JPT1: variants seen among roughly 807,000 people sequenced by gnomAD.
JPT1 encodes the protein androgen-regulated protein 2.
JPT1 carries 5 observed loss-of-function variants against 17.0 expected under a neutral mutation model. The observed-to-expected ratio is 0.29, with a 90% CI of 0.15 to 0.62. The LOEUF (loss-of-function observed/expected upper bound fraction) is 0.62. Among genes scored for constraint, JPT1 ranks in the 20% least tolerant of loss-of-function variants. The probability of loss-of-function intolerance (pLI) is 0.85; values close to 1 mark genes in which losing one functional copy is unlikely to be tolerated. For missense variants in JPT1, 158 were observed against 188.1 expected (o/e 0.84, Z 0.94); for synonymous variants, 71 against 73.6 (o/e 0.96, Z 0.18).
Position 75,148,581 on chromosome 17 carries a change from A to G in JPT1, c.147T>C (p.Ser49=). 6.2e-7 allele frequency: 1 copy of G among 1,614,192 alleles called. No homozygotes were observed. Among genetic ancestry groups the G allele is most frequent in the Non-Finnish European group, 8.5e-7 (1 of 1,180,018 alleles). The change falls in exon 2 of 5, where the codon TCT becomes TCC. Residue 49 remains serine (S), a synonymous_variant. Transcript: ENST00000409753. The stretch of plus-strand genomic sequence containing the variant: ...TTTCTTCAGGTGTCCCAAAGATATT[A>G]GAGGCCATTTTGTTCTTCCTCACAG... ...EQPVRKNKMA[S]NIFGTPEENQ... is the part of the protein sequence containing the mutation.
At chr17:75,142,758 T>C (rs2074350966) in intron 4 of JPT1, 2 of 455,816 alleles carry the variant, frequency 4.4e-6, no homozygotes, top group African/African-American at 4.0e-5. Context: ...AAAACCTAGA[T>C]TTTACCTCCA....
In JPT1 at chr17:75,138,431, CTG is replaced by C. The variant is rs2074249063; in HGVS notation, c.317-2183_317-2182del. ...ATGGATTTTTTTTTTTTTTTTGAGA[CTG>C]TGTCTCATTCCATCGCCCAGACTGG... On this transcript the variant is annotated intron_variant, in intron 4 of 4. Transcript: ENST00000409753. 3.5e-5 allele frequency: 5 copies of C among 144,526 alleles called. No homozygotes were observed. In the South Asian group the frequency reaches 6.4e-4, roughly 18 times the overall value. 9.0% of individuals were successfully genotyped at this position (144,526 alleles called of 1,614,324 possible).
intron 4 of JPT1, among the ~76,000 whole-genome samples, chr17:75,139,969 T>C (rs1338269971): frequency 1.3e-5 from 2 of 152,120 alleles, no homozygotes; most frequent in East Asian, 1.9e-4. Context: ...CTCTCTCTCT[T>C]GCCAGGCTGG....
intron 4 of JPT1, among the ~76,000 whole-genome samples, chr17:75,139,069 T>C (rs1226822698): frequency 6.6e-6 from 1 of 152,204 alleles, no homozygotes; most frequent in Non-Finnish European, 1.5e-5. Flanking sequence ...TCAAATGCAC[T>C]GGATCAGACA....
chr17:75,144,765 G>C (rs937586432), intron 4 of JPT1, among the ~76,000 whole-genome samples: 2 of 152,152 alleles, frequency 1.3e-5, no homozygotes, highest in Non-Finnish European at 2.9e-5. Flanking sequence ...AGAGGGTGTG[G>C]AAACTGGATT....
At chr17:75,139,211 G>A (rs559626318) in intron 4 of JPT1, among the ~76,000 whole-genome samples, 11 of 152,296 alleles carry the variant, frequency 7.2e-5, no homozygotes, top group African/African-American at 2.6e-4. Flanking sequence ...AGTTCAAGCA[G>A]TTTCATTTCT....
intron 4 of JPT1, 84 bp downstream of exon 4, chr17:75,146,582 C>T: frequency 9.2e-7 from 1 of 1,092,460 alleles, no homozygotes; most frequent in Non-Finnish European, 1.3e-6. Context: ...CAGTCTCTTT[C>T]CCCAAGACAT....
intron 4 of JPT1, among the ~76,000 whole-genome samples, chr17:75,137,527 T>TG (rs59577682): frequency 0.049 from 7,167 of 146,678 alleles, 594 homozygotes; most frequent in African/African-American, 0.17. Context: ...TGGCTATTTT[T>TG]GTTTTTTTTT....
chr17:75,139,772 C>A (rs567720892), intron 4 of JPT1, among the ~76,000 whole-genome samples: 1 of 151,776 alleles, frequency 6.6e-6, no homozygotes, highest in African/African-American at 2.4e-5. Context: ...GAGCCAAGAT[C>A]GTGCCACAGC....
At chr17:75,137,718 A>C (rs2074232868) in intron 4 of JPT1, among the ~76,000 whole-genome samples, 1 of 118,102 alleles carries the variant, frequency 8.5e-6, no homozygotes, top group Non-Finnish European at 1.7e-5. Context: ...TTTTTGAGAC[A>C]GGGTCTTTAA....
At chr17:75,149,135 G>T in intron 1 of JPT1, 1 of 890,418 alleles carries the variant, frequency 1.1e-6, no homozygotes, top group Non-Finnish European at 1.6e-6. Context: ...ATCATCACTT[G>T]AGCCTAGGAG....
At chr17:75,150,847 C>CTTTTTTTTTTTTTTTTTTTT (rs59267123) in intron 1 of JPT1, among the ~76,000 whole-genome samples, 1 of 65,958 alleles carries the variant, frequency 1.5e-5, no homozygotes, top group Non-Finnish European at 3.3e-5. Flanking sequence ...ATTTTTCTTT[C>CTTTTTTTTTTTTTTTTTTTT]TTTTTTTTTT....
At chr17:75,154,243 G>T in intron 1 of JPT1, 99 bp downstream of exon 1, 2 of 951,316 alleles carry the variant, frequency 2.1e-6, no homozygotes, top group Non-Finnish European at 1.4e-6. Flanking sequence ...CACAGCGCAC[G>T]GGGCTCGTTA....
At chr17:75,137,372 A>T (rs545077271) in intron 4 of JPT1, among the ~76,000 whole-genome samples, 1 of 151,660 alleles carries the variant, frequency 6.6e-6, no homozygotes, top group East Asian at 1.9e-4. Context: ...GGTGGAGGAT[A>T]TTGAGACAGG....
At chr17:75,150,357 G>A (rs1257471762) in intron 1 of JPT1, among the ~76,000 whole-genome samples, 6 of 151,516 alleles carry the variant, frequency 4.0e-5, no homozygotes, top group African/African-American at 7.3e-5. Context: ...GGGTTCAAGC[G>A]ATTCTCCTGC....
At chr17:75,154,317 C>T (rs765695400) in intron 1 of JPT1, 25 bp downstream of exon 1, 1 of 1,535,672 alleles carries the variant, frequency 6.5e-7, no homozygotes, top group Non-Finnish European at 8.8e-7. Context: ...CCCCGCGCGG[C>T]TCGGGCGCGA....
chr17:75,137,812 TA>T (rs2074235586), intron 4 of JPT1, among the ~76,000 whole-genome samples: 1 of 147,256 alleles, frequency 6.8e-6, no homozygotes, highest in South Asian at 2.2e-4. Flanking sequence ...CATGCCTGAT[TA>T]ATTTTTGTAT....
At chr17:75,146,848 C>A in intron 3 of JPT1, 164 bp from the exon 4 acceptor site, 2 of 570,944 alleles carry the variant, frequency 3.5e-6, no homozygotes, top group Non-Finnish European at 6.2e-6. Context: ...CAACTCAGGA[C>A]AATGCTATGC....
In JPT1 at chr17:75,146,662, T is replaced by G; in HGVS notation, c.316+4A>C. On this transcript the variant is annotated splice_donor_region_variant and intron_variant, in intron 4 of 4. Transcript: ENST00000409753. ...CCAGAAATTTGGTCTTCAGAAGTAC[T>G]TACCATGAATATCACCTTCTCCCTA... 1 of 1,540,988 alleles carries G rather than the reference T, an allele frequency of 6.5e-7. No individual in the cohort carries two copies. Among genetic ancestry groups the G allele is most frequent in the Non-Finnish European group, 8.8e-7 (1 of 1,135,644 alleles).
Sources: gnomAD v4.1 joint callset for allele counts (sites outside exome capture counted in the v4.1 genomes callset) on GRCh38, gnomAD v4.1.1 for gene constraint, MANE v1.5 for transcripts, NCBI Gene and HGNC (gene_info 2026-07-23, HGNC 2026-07-21) for gene names.